Variants in FANCA observed in about 807,000 individuals in gnomAD.
FANCA encodes the protein FA complementation group A.
Under a neutral mutation model 194.3 loss-of-function variants are expected in FANCA, and 236 were observed. The observed-to-expected ratio is 1.21, with a 90% CI of 1.09 to 1.35. FANCA has a LOEUF of 1.35. Ranked by LOEUF, FANCA falls within the 40% of genes most tolerant of loss-of-function variation. The pLI, the probability that FANCA is intolerant of heterozygous loss-of-function variation, is 0.00. For missense variants in FANCA, 2,628 were observed against 1,813.9 expected, an observed-to-expected ratio of 1.45 and a Z score of -8.15; for synonymous variants, 1,014 against 715.8, an observed-to-expected ratio of 1.42 and a Z score of -6.65.
At chr16:89,742,228 C>T (rs534213920) in intron 37 of FANCA, among the ~76,000 whole-genome samples, 74 of 152,152 alleles carry the variant, frequency 4.9e-4, no homozygotes, top group African/African-American at 1.5e-3. Flanking sequence ...CCGCCTGCCT[C>T]GGCCTCCCTA....
chr16:89,753,402 T>C (rs1017754435), intron 30 of FANCA, among the ~76,000 whole-genome samples: 1 of 152,154 alleles, frequency 6.6e-6, no homozygotes, highest in African/African-American at 2.4e-5. Context: ...ATTTCTACAC[T>C]CTCTCATCGC....
chr16:89,752,196 T>C lies in FANCA; in HGVS notation c.3008A>G (p.Asn1003Ser), dbSNP rs757175768. The change falls in exon 31 of 43, where the codon AAT becomes AGT. Residue 1003 changes from asparagine (N) to serine (S), a missense_variant. Asn to Ser is a conservative substitution (Grantham distance 46). Coordinates refer to ENST00000389301, the MANE Select transcript of FANCA (RefSeq NM_000135.4). The part of the protein sequence containing the change: ...QSSRSYDHSE[N>S]SDLVFGGRTG... Reference sequence around the variant, plus strand: ...GCGGCCACCAAAGACCAAATCAGAATTTTCTGAGTGGTCATAACTCCTTGA... The same window carrying C: ...GCGGCCACCAAAGACCAAATCAGAACTTTCTGAGTGGTCATAACTCCTTGA... The C allele has an allele frequency of 2.8e-5, 45 of 1,613,952 alleles. No homozygotes were observed. The South Asian group carries it at 4.8e-4, about 17-fold the overall frequency.
intron 30 of FANCA, among the ~76,000 whole-genome samples, chr16:89,757,451 G>A (rs745806648): frequency 6.6e-6 from 1 of 152,286 alleles, no homozygotes; most frequent in Non-Finnish European, 1.5e-5. Flanking sequence ...ACACAGATGA[G>A]CCTCAGAAAC....
Position 89,784,885 on chromosome 16 carries a change from AGTTCT to A in FANCA, c.1434_1438del (p.Glu479ArgfsTer4), listed in dbSNP as rs2039845614. ...GTACCGGGGAGACTCAAAAGGCACG[AGTTCT>A]GACAAGAACGTAAACAGGAAGACCA... On this transcript the variant is annotated frameshift_variant, in exon 15 of 43. Transcript: ENST00000389301. LOFTEE classifies it high-confidence loss of function. 6.2e-7 allele frequency: 1 copy of A among 1,614,052 alleles called. No individual in the cohort carries two copies. The highest frequency in any genetic ancestry group is 1.3e-5 in the African/African-American group (1 of 74,950).
intron 14 of FANCA, among the ~76,000 whole-genome samples, chr16:89,788,429 C>G (rs2039965150): frequency 6.6e-6 from 1 of 150,912 alleles, no homozygotes; most frequent in Admixed American, 6.6e-5. Flanking sequence ...GACGGGGACT[C>G]CATCTCAAAA....
At position 89,770,639 on chromosome 16, in the gene FANCA, A is replaced by AG; in HGVS notation, c.2152-6dup. 1 of 1,605,916 alleles carries AG rather than the reference A, an allele frequency of 6.2e-7. No individual in the cohort carries two copies. Among genetic ancestry groups the AG allele is most frequent in the Non-Finnish European group, 8.5e-7 (1 of 1,175,890 alleles). ...CGTCAGCAGGAGGTCCACAGCCTGC[A>AG]GAGACACAGTTCTCATGAGCGTGGT... On this transcript the variant is annotated splice_polypyrimidine_tract_variant and splice_region_variant and intron_variant, in intron 23 of 42. Coordinates refer to ENST00000389301, the MANE Select transcript of FANCA (RefSeq NM_000135.4).
intron 22 of FANCA, among the ~76,000 whole-genome samples, 188 bp from the exon 23 acceptor site, chr16:89,772,002 T>A (rs2039343249): frequency 6.6e-6 from 1 of 152,220 alleles, no homozygotes; most frequent in Non-Finnish European, 1.5e-5. Flanking sequence ...TGGTGCAGCA[T>A]GTGTCATGGC....
intron 30 of FANCA, among the ~76,000 whole-genome samples, chr16:89,752,718 A>G (rs769528215): frequency 1.3e-5 from 2 of 152,218 alleles, no homozygotes; most frequent in Non-Finnish European, 2.9e-5. Context: ...CCAGAAGACA[A>G]GAGTGCGAGC....
chr16:89,750,730 G>A (rs1405423367), intron 31 of FANCA, among the ~76,000 whole-genome samples: 12 of 151,926 alleles, frequency 7.9e-5, no homozygotes, highest in Admixed American at 1.3e-4. Flanking sequence ...CCAAGATCCC[G>A]CCACTGCACT....
chr16:89,786,341 G>A (rs1330809867), intron 14 of FANCA, among the ~76,000 whole-genome samples: 1 of 152,140 alleles, frequency 6.6e-6, no homozygotes, highest in African/African-American at 2.4e-5. Flanking sequence ...GCACCACCAT[G>A]CCTGGCTAAT....
chr16:89,788,318 A>T (rs2039962300), intron 14 of FANCA, among the ~76,000 whole-genome samples: 1 of 152,014 alleles, frequency 6.6e-6, no homozygotes, highest in Non-Finnish European at 1.5e-5. Context: ...AAAATTAGCC[A>T]GGTGTGGTGG....
intron 34 of FANCA, 43 bp downstream of exon 34, chr16:89,746,788 G>A: frequency 6.3e-7 from 1 of 1,580,294 alleles, no homozygotes; most frequent in South Asian, 1.1e-5. Flanking sequence ...TCCACCCACG[G>A]CGTTCTGAGA....
intron 8 of FANCA, among the ~76,000 whole-genome samples, chr16:89,802,266 ATT>A (rs71391244): frequency 2.0e-4 from 27 of 136,134 alleles, no homozygotes; most frequent in South Asian, 2.4e-4. Flanking sequence ...ACGCCCGGCT[ATT>A]TTTTTTTTTT....
In FANCA at chr16:89,737,635, TTTAAAGATC is replaced by T; in HGVS notation, c.*957_*965del. The T allele has an allele frequency of 7.5e-7, 1 of 1,330,700 alleles. No homozygotes were observed. Among genetic ancestry groups the T allele is most frequent in the Admixed American group, 2.8e-5 (1 of 36,228 alleles). 82.4% of individuals were successfully genotyped at this position (1,330,700 alleles called of 1,614,324 possible). On this transcript the variant is annotated 3_prime_UTR_variant, in exon 43 of 43. Coordinates refer to ENST00000389301, the MANE Select transcript of FANCA (RefSeq NM_000135.4). ...AGCCACGTGACAGTGTATAAAGCAG[TTTAAAGATC>T]TTAATAAACGAGGCCCTCATAGGCC...
At position 89,738,890 on chromosome 16, in the gene FANCA, C is replaced by T. The variant is rs145148206; in HGVS notation, c.4252G>A (p.Val1418Met). 7.4e-6 allele frequency: 12 copies of T among 1,614,138 alleles called. No individual in the cohort carries two copies. The African/African-American group carries it at 8.0e-5, about 11-fold the overall frequency. ...PRCPKKSFSHVAELLADRGDC... is the reference protein window; with the variant it reads ...PRCPKKSFSHMAELLADRGDC... ...GGGCATCTTGACGTTACCTCTGCCA[C>T]GTGTGAGAAGCTCTTTTTCGGGCAC... Residue 1418 changes from valine (V) to methionine (M), a missense_variant, in exon 42 of 43, where the codon GTG (valine) becomes ATG (methionine). Physicochemically the swap from Val to Met is conservative, Grantham distance 21 (BLOSUM62 1). Transcript: ENST00000389301.
intron 14 of FANCA, among the ~76,000 whole-genome samples, chr16:89,789,218 G>A (rs1227152055): frequency 6.6e-6 from 1 of 151,720 alleles, no homozygotes; most frequent in Non-Finnish European, 1.5e-5. Flanking sequence ...GAAGTGAGTT[G>A]ACACTGACAC....
chr16:89,789,469 C>T (rs1241562665), intron 14 of FANCA, among the ~76,000 whole-genome samples: 22 of 119,180 alleles, frequency 1.8e-4, no homozygotes, highest in African/African-American at 7.1e-4. Context: ...GAGACAGAGT[C>T]TTGCTCTGTC....
chr16:89,779,755 G>A (rs193016957), intron 18 of FANCA, 114 bp downstream of exon 18: 212 of 872,844 alleles, frequency 2.4e-4, no homozygotes, highest in Non-Finnish European at 3.1e-4. Context: ...AGGCATCAGA[G>A]CGGAGTCTGC....
At chr16:89,809,610 G>A (rs2040797876) in intron 5 of FANCA, among the ~76,000 whole-genome samples, 1 of 152,058 alleles carries the variant, frequency 6.6e-6, no homozygotes, top group South Asian at 2.1e-4. Context: ...GGCACTTTGG[G>A]AGGCCGAGGT....
Sources: allele counts gnomAD v4.1 joint callset (sites outside exome capture counted in the v4.1 genomes callset), GRCh38; gene constraint gnomAD v4.1.1; transcripts MANE v1.5; gene names NCBI Gene and HGNC (gene_info 2026-07-23, HGNC 2026-07-21).